The following COL19A1 variants were observed in gnomAD, a reference collection of about 807,000 sequenced individuals.
The protein encoded by COL19A1 is collagen alpha-1(XIX) chain.
Under a neutral mutation model 190.2 loss-of-function variants are expected in COL19A1, and 159 were observed. The ratio of observed to expected loss-of-function variants is 0.84; its 90% CI spans 0.73 to 0.95. COL19A1 has a LOEUF of 0.95. Ranked by LOEUF, COL19A1 falls within the 40% of genes least tolerant of loss-of-function variation. The pLI is 0.00. For missense variants in COL19A1, 1,418 were observed against 1,431.9 expected, an observed-to-expected ratio of 0.99 and a Z score of 0.16; for synonymous variants, 509 against 458.9, an observed-to-expected ratio of 1.11 and a Z score of -1.39.
At chr6:70,187,430 A>G (rs1321840751) in intron 46 of COL19A1, among the ~76,000 whole-genome samples, 1 of 131,094 alleles carries the variant, frequency 7.6e-6, no homozygotes, top group Non-Finnish European at 1.7e-5. Flanking sequence ...GGGTGGGGAG[A>G]GCACATGATT....
intron 11 of COL19A1, among the ~76,000 whole-genome samples, chr6:69,988,341 C>A (rs1157578988): frequency 6.6e-6 from 1 of 152,120 alleles, no homozygotes; most frequent in Non-Finnish European, 1.5e-5. Flanking sequence ...AAAAGATAAG[C>A]ATTACTTAGT....
chr6:69,976,375 A>T (rs1428945475), intron 11 of COL19A1, among the ~76,000 whole-genome samples: 1 of 152,226 alleles, frequency 6.6e-6, no homozygotes, highest in African/African-American at 2.4e-5. Flanking sequence ...GGGTTTTGGA[A>T]TATATTTGTT....
At position 69,928,754 on chromosome 6, in the gene COL19A1, C is replaced by T. The variant is rs1772559209; in HGVS notation, c.391-671C>T. ...GCGTTTGGGCTGCAAAGAAGGAATG[C>T]TGGCACTCCAGCGAGGGGAGAGGAA... is the stretch of plus-strand genomic sequence containing the variant. On this transcript the variant is annotated intron_variant, in intron 5 of 50. Transcript: ENST00000620364. 2.6e-5 allele frequency among the ~76,000 whole-genome samples: 4 copies of T among 152,112 alleles called. 1 individual carries two copies. Among genetic ancestry groups the T allele is most frequent in the Admixed American group, 2.6e-4 (4 of 15,268 alleles).
At chr6:70,156,291 G>A in intron 32 of COL19A1, 25 bp from the exon 33 acceptor site, 1 of 1,613,248 alleles carries the variant, frequency 6.2e-7, no homozygotes, top group Non-Finnish European at 8.5e-7. Context: ...CATCCTCTCA[G>A]TTCTGTTCTT....
At chr6:70,018,121 T>TA (rs1778219847) in intron 11 of COL19A1, among the ~76,000 whole-genome samples, 2 of 152,044 alleles carry the variant, frequency 1.3e-5, no homozygotes, top group South Asian at 4.1e-4. Flanking sequence ...AAGAGGGCCA[T>TA]AATGAGGGAG....
intron 18 of COL19A1, among the ~76,000 whole-genome samples, chr6:70,130,729 AG>A (rs1435458294): frequency 1.3e-5 from 2 of 152,286 alleles, no homozygotes; most frequent in Non-Finnish European, 2.9e-5. Context: ...ACTGCTGAGT[AG>A]CAGTTGGCTA....
At chr6:70,004,429 G>C (rs920079074) in intron 11 of COL19A1, among the ~76,000 whole-genome samples, 3 of 152,124 alleles carry the variant, frequency 2.0e-5, no homozygotes, top group Admixed American at 2.0e-4. Flanking sequence ...GTCTTGCTAG[G>C]TTGAGGAAGT....
At chr6:70,118,227 C>T (rs1294748679) in intron 16 of COL19A1, among the ~76,000 whole-genome samples, 1 of 152,214 alleles carries the variant, frequency 6.6e-6, no homozygotes, top group African/African-American at 2.4e-5. Context: ...AAAAATAGCA[C>T]ATCTCTTGGG....
intron 15 of COL19A1, among the ~76,000 whole-genome samples, chr6:70,092,418 G>A (rs1180830522): frequency 6.6e-6 from 1 of 152,062 alleles, no homozygotes; most frequent in Non-Finnish European, 1.5e-5. Flanking sequence ...CAAGCTCTAG[G>A]TCTTAATCAT....
At chr6:69,889,818 G>A (rs12191461) in intron 2 of COL19A1, 15,089 of 152,098 alleles carry the variant, frequency 0.099, 793 homozygotes, top group Middle Eastern at 0.28. Context: ...TGTGGGTGGG[G>A]AAAAATAAGG....
intron 18 of COL19A1, among the ~76,000 whole-genome samples, chr6:70,132,051 A>AT (rs1338058512): frequency 2.0e-5 from 3 of 152,216 alleles, no homozygotes; most frequent in African/African-American, 7.2e-5. Flanking sequence ...AAAGAGACAC[A>AT]TAAAAAAACT....
At chr6:69,991,509 G>A (rs1363233996) in intron 11 of COL19A1, among the ~76,000 whole-genome samples, 1 of 152,086 alleles carries the variant, frequency 6.6e-6, no homozygotes, top group Non-Finnish European at 1.5e-5. Context: ...TACCAGCAGT[G>A]TATAAACATT....
At chr6:70,090,195 G>A (rs1232608902) in intron 15 of COL19A1, among the ~76,000 whole-genome samples, 1 of 151,632 alleles carries the variant, frequency 6.6e-6, no homozygotes, top group East Asian at 1.9e-4. Context: ...AAAAAGATTT[G>A]CACATGGAAA....
intron 18 of COL19A1, among the ~76,000 whole-genome samples, chr6:70,136,427 A>G (rs1294746173): frequency 2.0e-5 from 3 of 152,188 alleles, no homozygotes. Flanking sequence ...TGGTTTATTA[A>G]CATGTTAGAA....
At chr6:69,948,303 A>G (rs889606876) in intron 9 of COL19A1, among the ~76,000 whole-genome samples, 1 of 151,860 alleles carries the variant, frequency 6.6e-6, no homozygotes, top group Admixed American at 6.6e-5. Flanking sequence ...CATTTACACA[A>G]TAAATTATGG....
chr6:70,073,558 G>C (rs1343987575), intron 15 of COL19A1, among the ~76,000 whole-genome samples: 1 of 152,108 alleles, frequency 6.6e-6, no homozygotes. Context: ...AAATATTTAA[G>C]ATAAAATGAC....
intron 2 of COL19A1, 24 bp downstream of exon 2, chr6:69,879,682 A>G: frequency 2.5e-6 from 4 of 1,598,208 alleles, no homozygotes; most frequent in Non-Finnish European, 3.4e-6. Flanking sequence ...CTCTTTGCCT[A>G]ATCACCAAAT....
At chr6:70,066,152 A>G (rs1582825084) in intron 14 of COL19A1, among the ~76,000 whole-genome samples, 1 of 152,210 alleles carries the variant, frequency 6.6e-6, no homozygotes, top group Admixed American at 6.5e-5. Flanking sequence ...ATGCACACGT[A>G]TGTTTATTGC....
chr6:70,053,613 T>A (rs1299603811), intron 14 of COL19A1, among the ~76,000 whole-genome samples: 1 of 152,220 alleles, frequency 6.6e-6, no homozygotes, highest in Non-Finnish European at 1.5e-5. Context: ...TAAAAGGTTA[T>A]GTTTAAAGAA....
Sources: gnomAD v4.1 joint callset for allele counts (sites outside exome capture counted in the v4.1 genomes callset) on GRCh38, gnomAD v4.1.1 for gene constraint, MANE v1.5 for transcripts, NCBI Gene and HGNC (gene_info 2026-07-23, HGNC 2026-07-21) for gene names.